The following PUDP variants were observed in gnomAD, a reference collection of about 807,000 sequenced individuals.
PUDP encodes the protein pseudouridine-5'-phosphatase.
PUDP carries 8 observed loss-of-function variants against 9.4 expected under a neutral mutation model. That is an observed-to-expected ratio of 0.85 (90% CI 0.50 to 1.53). PUDP has a LOEUF of 1.53. PUDP is among the 40% of genes most tolerant of loss of function. PUDP has a pLI of 0.00. For missense variants in PUDP, 188 were observed against 189.7 expected (o/e 0.99, Z 0.05); for synonymous variants, 99 against 80.7 (o/e 1.23, Z -1.22).
At chrX:7,054,593 CTAAAAGG>C (rs1342585561) in intron 3 of PUDP, among the ~76,000 whole-genome samples, 2 of 111,144 alleles carry the variant, frequency 1.8e-5, no homozygotes, top group African/African-American at 6.6e-5. Flanking sequence ...GTTAACTATT[CTAAAAGG>C]TCAAAAGTAA....
At chrX:6,956,996 C>T (rs1437038295) in intron 3 of PUDP, among the ~76,000 whole-genome samples, 1 of 112,231 alleles carries the variant, frequency 8.9e-6, no homozygotes, top group Non-Finnish European at 1.9e-5. Flanking sequence ...GGATTCACCT[C>T]ATCATGTCCA....
At chrX:7,017,772 T>C (rs1467674598) in intron 1 of PUDP, among the ~76,000 whole-genome samples, 10 of 111,682 alleles carry the variant, frequency 9.0e-5, no homozygotes, top group Non-Finnish European at 1.3e-4. Flanking sequence ...CTGTCAGAGG[T>C]GTTTGAACCA....
chrX:7,044,495 T>C (rs1037672955), downstream of PUDP, among the ~76,000 whole-genome samples: 1 of 112,537 alleles, frequency 8.9e-6, no homozygotes, highest in Non-Finnish European at 1.9e-5. Context: ...GACAATAATG[T>C]TGGGAATGAT....
intron 1 of PUDP, among the ~76,000 whole-genome samples, chrX:7,035,519 AT>A (rs1206917381): frequency 8.9e-6 from 1 of 111,734 alleles, no homozygotes; most frequent in Non-Finnish European, 1.9e-5. Flanking sequence ...TTATCTCTAC[AT>A]TGTCACAGTT....
intron 3 of PUDP, among the ~76,000 whole-genome samples, chrX:6,884,985 A>T (rs1033955082): frequency 2.7e-5 from 3 of 111,729 alleles, no homozygotes; most frequent in African/African-American, 9.8e-5. Flanking sequence ...AGGAGATGGA[A>T]AGTTTCCAGG....
intron 3 of PUDP, among the ~76,000 whole-genome samples, chrX:7,067,467 G>A (rs1484983672): frequency 8.9e-6 from 1 of 111,956 alleles, no homozygotes; most frequent in Non-Finnish European, 1.9e-5. Flanking sequence ...AACGCAGGTG[G>A]CTGTGGGTCT....
chrX:6,995,484 G>A (rs1929238164), intron 1 of PUDP, among the ~76,000 whole-genome samples: 2 of 111,709 alleles, frequency 1.8e-5, no homozygotes, highest in African/African-American at 6.5e-5. Flanking sequence ...AGCACTTTCA[G>A]AGACCAAGAC....
chrX:6,797,700 A>G (rs993221141), intron 3 of PUDP, among the ~76,000 whole-genome samples: 2 of 112,059 alleles, frequency 1.8e-5, no homozygotes, highest in African/African-American at 3.2e-5. Context: ...CTTCACTGCA[A>G]TCTCATGAGA....
chrX:6,818,167 CCT>C (rs199862266), intron 3 of PUDP, among the ~76,000 whole-genome samples: 2,178 of 111,846 alleles, frequency 0.019, 51 homozygotes, highest in African/African-American at 0.068. Context: ...ACACACACAC[CCT>C]GAGTAGTATC....
At chrX:7,000,605 TATATAAATAGAAACAA>T (rs1385836607) in intron 1 of PUDP, among the ~76,000 whole-genome samples, 11 of 108,346 alleles carry the variant, frequency 1.0e-4, no homozygotes, top group Admixed American at 2.0e-4. Flanking sequence ...AAATAAAAAA[TATATAAATAGAAACAA>T]ATATAAATAA....
chrX:7,136,561 G>A (rs774420622), intron 1 of PUDP, among the ~76,000 whole-genome samples: 7 of 112,194 alleles, frequency 6.2e-5, no homozygotes, highest in Admixed American at 3.8e-4. Flanking sequence ...TTCTGTAAAA[G>A]AGCTCACCCC....
chrX:6,933,953 G>A (rs1213439605), intron 3 of PUDP, among the ~76,000 whole-genome samples: 5 of 105,386 alleles, frequency 4.7e-5, no homozygotes, highest in Non-Finnish European at 9.7e-5. Context: ...AAAGAAATGA[G>A]CAAAGCCTCC....
intron 3 of PUDP, chrX:7,057,696 T>C: frequency 8.7e-7 from 1 of 1,152,652 alleles, no homozygotes; most frequent in East Asian, 3.3e-5. Context: ...GGCTGTGAGC[T>C]GGAGGTGCGG....
chrX:6,753,266 T>C (rs1237898004), intron 3 of PUDP, among the ~76,000 whole-genome samples: 2 of 112,222 alleles, frequency 1.8e-5, no homozygotes, highest in African/African-American at 3.2e-5. Flanking sequence ...AATAATAGTC[T>C]CCAATTTCAT....
At chrX:6,867,875 G>A (rs1462465942) in intron 3 of PUDP, among the ~76,000 whole-genome samples, 4 of 111,776 alleles carry the variant, frequency 3.6e-5, no homozygotes, top group Non-Finnish European at 7.5e-5. Context: ...ACTTCGTGCA[G>A]TATAATTCCA....
intron 3 of PUDP, among the ~76,000 whole-genome samples, chrX:6,925,893 T>C (rs1382309210): frequency 2.7e-5 from 3 of 111,760 alleles, no homozygotes; most frequent in African/African-American, 9.8e-5. Flanking sequence ...TGATGGCCTG[T>C]AGGGGTGACT....
chrX:6,750,845 G>C (rs748280314), intron 3 of PUDP, among the ~76,000 whole-genome samples: 24 of 111,853 alleles, frequency 2.1e-4, no homozygotes, highest in Admixed American at 1.2e-3. Context: ...TTCTAGTTCA[G>C]AAATACAATT....
intron 3 of PUDP, among the ~76,000 whole-genome samples, chrX:6,816,814 AC>A (rs1926247752): frequency 1.0e-5 from 1 of 95,615 alleles, no homozygotes; most frequent in South Asian, 4.6e-4. Flanking sequence ...ATATATATAC[AC>A]ATACAGTATA....
intron 3 of PUDP, among the ~76,000 whole-genome samples, chrX:7,072,769 G>A (rs1201259729): frequency 2.0e-5 from 2 of 102,231 alleles, no homozygotes; most frequent in Non-Finnish European, 3.9e-5. Flanking sequence ...AGCCGAGATC[G>A]TGCCACTGCA....
Sources: gnomAD v4.1 joint callset for allele counts (sites outside exome capture counted in the v4.1 genomes callset) on GRCh38, gnomAD v4.1.1 for gene constraint, MANE v1.5 for transcripts, NCBI Gene and HGNC (gene_info 2026-07-23, HGNC 2026-07-21) for gene names.